The following GLI3 variants were observed in gnomAD, a reference collection of about 807,000 sequenced individuals.
The protein encoded by GLI3 is GLI family zinc finger 3.
A neutral mutation model predicts 100.8 loss-of-function variants in GLI3; 20 were observed. The observed-to-expected ratio is 0.20, with a 90% CI of 0.14 to 0.29. The LOEUF (loss-of-function observed/expected upper bound fraction) is 0.29, where lower values mean the gene tolerates loss of function less well. Among genes scored for constraint, GLI3 ranks in the 10% least tolerant of loss-of-function variants. The pLI is 1.00. For synonymous variants in GLI3, 938 were observed against 860.5 expected (o/e 1.09, Z -1.58); for missense variants, 2,040 against 2,128.5 (o/e 0.96, Z 0.82).
At chr7:42,188,002 C>CAAAAAAAAAAAAAAAAAAA (rs56140906) in intron 2 of GLI3, among the ~76,000 whole-genome samples, 4 of 85,314 alleles carry the variant, frequency 4.7e-5, no homozygotes, top group African/African-American at 1.1e-4. Flanking sequence ...GACTCCATCT[C>CAAAAAAAAAAAAAAAAAAA]AAAAAAAAAA....
chr7:42,022,306 C>T (rs369286340), intron 10 of GLI3, among the ~76,000 whole-genome samples: 5 of 152,230 alleles, frequency 3.3e-5, no homozygotes, highest in Middle Eastern at 3.4e-3. Flanking sequence ...ACATGGGATG[C>T]GCCGAGTTGC....
Position 41,965,040 on chromosome 7 carries a change from G to A in GLI3, c.4033C>T (p.Leu1345Phe), listed in dbSNP as rs759397492. The A allele has an allele frequency of 6.2e-7, 1 of 1,613,912 alleles. No individual in the cohort carries two copies. Among genetic ancestry groups the A allele is most frequent in the East Asian group, 2.2e-5 (1 of 44,862 alleles). ...PGAGRPGQQMLGQISATSHIN... is the reference protein window; with the variant it reads ...PGAGRPGQQMFGQISATSHIN... Reference sequence around the variant, plus strand: ...TGTGAGGTAGCACTAATCTGCCCAAGCATCTGCTGACCGGGGCGGCCTGCC... The same window carrying A: ...TGTGAGGTAGCACTAATCTGCCCAAACATCTGCTGACCGGGGCGGCCTGCC... The change falls in exon 15 of 15, where the codon CTT becomes TTT. Residue 1345 changes from leucine (L) to phenylalanine (F), a missense_variant. By Grantham distance (22) the Leu-to-Phe change is conservative. Around this residue, in one of 5 missense-constraint regions of GLI3, gnomAD observed 1,041 missense variants for 924.0 expected, o/e 1.13. Coordinates refer to ENST00000395925, the MANE Select transcript of GLI3 (RefSeq NM_000168.6).
At chr7:41,987,101 GACACACACAC>G (rs34005460) in intron 10 of GLI3, among the ~76,000 whole-genome samples, 7 of 140,614 alleles carry the variant, frequency 5.0e-5, no homozygotes, top group South Asian at 2.4e-4. Flanking sequence ...CACAGACACA[GACACACACAC>G]ACACACACAC....
intron 2 of GLI3, among the ~76,000 whole-genome samples, chr7:42,185,702 C>A (rs1327487633): frequency 6.6e-6 from 1 of 152,224 alleles, no homozygotes; most frequent in Non-Finnish European, 1.5e-5. Context: ...TCTTCTTGAA[C>A]AACCAGTGAG....
At chr7:41,970,662 T>G (rs1787340275) in intron 13 of GLI3, among the ~76,000 whole-genome samples, 3 of 152,190 alleles carry the variant, frequency 2.0e-5, no homozygotes, top group Non-Finnish European at 4.4e-5. Flanking sequence ...CCAATTTTCT[T>G]TTTAAACAAT....
At chr7:42,112,463 GA>G (rs1785736675) in intron 3 of GLI3, among the ~76,000 whole-genome samples, 2 of 152,130 alleles carry the variant, frequency 1.3e-5, no homozygotes, top group East Asian at 3.9e-4. Context: ...TTTAAATAAC[GA>G]AAAGGGTGGA....
chr7:42,171,686 G>A (rs1418911060), intron 2 of GLI3, among the ~76,000 whole-genome samples: 1 of 152,194 alleles, frequency 6.6e-6, no homozygotes, highest in Non-Finnish European at 1.5e-5. Context: ...ACTTGCTCAA[G>A]TTTATACAGT....
intron 3 of GLI3, among the ~76,000 whole-genome samples, chr7:42,134,319 T>C (rs1310290521): frequency 6.6e-6 from 1 of 152,156 alleles, no homozygotes; most frequent in East Asian, 1.9e-4. Flanking sequence ...GAAGGACTCG[T>C]GTATGAGAAA....
chr7:41,987,698 C>T (rs1349737697), intron 10 of GLI3, among the ~76,000 whole-genome samples: 6 of 152,162 alleles, frequency 3.9e-5, no homozygotes, highest in African/African-American at 1.2e-4. Flanking sequence ...CAAAATAGTG[C>T]ATGATTTGAA....
At chr7:41,993,882 C>T (rs892850942) in intron 10 of GLI3, among the ~76,000 whole-genome samples, 2 of 152,164 alleles carry the variant, frequency 1.3e-5, no homozygotes, top group African/African-American at 4.8e-5. Flanking sequence ...CTGTAGGGTC[C>T]ACCAAGGAGG....
rs1583501123 is a variant in GLI3 at position 42,040,192 on chromosome 7, G to A, written c.874C>T (p.Arg292Cys). 4.3e-6 allele frequency: 7 copies of A among 1,614,008 alleles called. No individual in the cohort carries two copies. Among genetic ancestry groups the A allele is most frequent in the Non-Finnish European group, 5.9e-6 (7 of 1,179,896 alleles). ...PRLSARPSRKRTLSISPLSDH... is the reference protein window; with the variant it reads ...PRLSARPSRKCTLSISPLSDH... ...GAGAGTGGTGATATGGACAGTGTAC[G>A]TTTTCGGCTCGGCCTGGCTGACAGC... Residue 292 changes from arginine to cysteine, a missense_variant, in exon 7 of 15, where the codon CGT (arginine) becomes TGT (cysteine). Transcript: ENST00000395925.
intron 7 of GLI3, among the ~76,000 whole-genome samples, chr7:42,035,488 C>T (rs2128736417): frequency 6.6e-6 from 1 of 152,294 alleles, no homozygotes; most frequent in African/African-American, 2.4e-5. Context: ...TCTTGGCACT[C>T]AGAGGGGTGA....
At chr7:41,990,208 A>G (rs1455679472) in intron 10 of GLI3, among the ~76,000 whole-genome samples, 2 of 152,056 alleles carry the variant, frequency 1.3e-5, no homozygotes, top group African/African-American at 4.8e-5. Context: ...TTGATTACAA[A>G]GGTAGGCACA....
chr7:42,199,729 C>G (rs1026322570), intron 2 of GLI3, among the ~76,000 whole-genome samples: 1 of 152,062 alleles, frequency 6.6e-6, no homozygotes, highest in Non-Finnish European at 1.5e-5. Flanking sequence ...GGGCTGAGGC[C>G]AAGGAGAAGA....
chr7:42,239,813 C>G (rs890447605), upstream of GLI3, among the ~76,000 whole-genome samples: 5 of 152,128 alleles, frequency 3.3e-5, no homozygotes, highest in Non-Finnish European at 7.3e-5. Context: ...TAATGGTAAA[C>G]CCATACATAT....
At chr7:42,018,820 C>T (rs1280411702) in intron 10 of GLI3, among the ~76,000 whole-genome samples, 2 of 152,248 alleles carry the variant, frequency 1.3e-5, no homozygotes, top group East Asian at 1.9e-4. Context: ...CAATGCTTCA[C>T]GGAGACAAAT....
At chr7:42,041,049 C>T (rs185812302) in intron 6 of GLI3, among the ~76,000 whole-genome samples, 7 of 152,262 alleles carry the variant, frequency 4.6e-5, no homozygotes, top group African/African-American at 1.7e-4. Flanking sequence ...TCCCAAGAAA[C>T]ATTTAAAAGG....
intron 4 of GLI3, among the ~76,000 whole-genome samples, chr7:42,062,811 A>G (rs1347354670): frequency 6.6e-6 from 1 of 152,128 alleles, no homozygotes; most frequent in Non-Finnish European, 1.5e-5. Flanking sequence ...CAGCCTTTCC[A>G]TATCAAACCT....
chr7:41,964,691 G>C lies in GLI3; in HGVS notation c.4382C>G (p.Ser1461Cys). Reference sequence around the variant, plus strand: ...TAGCAGGCAGCTGGCGTCTGAAATAGAGAATGAACCAGCTTTCGTGTCTTG... The same window carrying C: ...TAGCAGGCAGCTGGCGTCTGAAATACAGAATGAACCAGCTTTCGTGTCTTG... ...SQQDTKAGSF[S>C]ISDASCLLQG... Residue 1461 changes from serine to cysteine, a missense_variant, in exon 15 of 15, where the codon TCT becomes TGT. Ser to Cys is a moderately radical substitution (Grantham distance 112). This residue lies in a region of GLI3 where 1,041 missense variants were observed against 924.0 expected (regional missense o/e 1.13). Coordinates refer to ENST00000395925, the MANE Select transcript of GLI3 (RefSeq NM_000168.6). 6.2e-7 allele frequency: 1 copy of C among 1,614,108 alleles called. No homozygotes were observed. Among genetic ancestry groups the C allele is most frequent in the African/African-American group, 1.3e-5 (1 of 75,044 alleles).
Sources: allele counts gnomAD v4.1 joint callset (sites outside exome capture counted in the v4.1 genomes callset), GRCh38; gene constraint gnomAD v4.1.1; regional missense constraint gnomAD v4.1.1; transcripts MANE v1.5; gene names NCBI Gene and HGNC (gene_info 2026-07-23, HGNC 2026-07-21).